Variants in RAB38 observed in about 807,000 individuals in gnomAD.
The protein encoded by RAB38 is ras-related protein Rab-38.
A neutral mutation model predicts 18.4 loss-of-function variants in RAB38; 15 were observed. The ratio of observed to expected loss-of-function variants is 0.82; its 90% confidence interval spans 0.55 to 1.26. The LOEUF is 1.26. RAB38 is among the 50% of genes most tolerant of loss of function. The probability of loss-of-function intolerance (pLI) is 0.00; values close to 1 mark genes in which losing one functional copy is unlikely to be tolerated. For missense variants in RAB38, 294 were observed against 267.4 expected, an observed-to-expected ratio of 1.10 and a Z score of -0.69; for synonymous variants, 101 against 104.4, an observed-to-expected ratio of 0.97 and a Z score of 0.20.
At chr11:88,135,361 G>C (rs1330115591) in intron 2 of RAB38, among the ~76,000 whole-genome samples, 1 of 152,078 alleles carries the variant, frequency 6.6e-6, no homozygotes, top group South Asian at 2.1e-4. Context: ...TTGTCCACTG[G>C]TATAGCCCTA....
chr11:87,878,775 G>T, the RAB38 span, among the ~76,000 whole-genome samples: 2 of 151,640 alleles, frequency 1.3e-5, no homozygotes, highest in South Asian at 4.1e-4. Flanking sequence ...CTCACCAGGT[G>T]AATTTCTTGC....
At chr11:88,150,388 T>C (rs1176925843) in intron 1 of RAB38, among the ~76,000 whole-genome samples, 1 of 152,224 alleles carries the variant, frequency 6.6e-6, no homozygotes, top group African/African-American at 2.4e-5. Flanking sequence ...TCCATCAGTA[T>C]AGAACATTCG....
chr11:88,170,332 T>A (rs1350999080), intron 1 of RAB38, among the ~76,000 whole-genome samples: 1 of 152,234 alleles, frequency 6.6e-6, no homozygotes, highest in Non-Finnish European at 1.5e-5. Context: ...GGGGTTTTAT[T>A]TGACACACTC....
chr11:87,977,327 C>CAAGTATATTATAAAATTATATATTATAT, the RAB38 span, among the ~76,000 whole-genome samples: 3 of 125,598 alleles, frequency 2.4e-5, no homozygotes, highest in East Asian at 2.4e-4. Flanking sequence ...TTATATTATA[C>CAAGTATATTATAAAATTATATATTATAT]AAGTATATTA....
chr11:87,861,896 CTCA>C, the RAB38 span, among the ~76,000 whole-genome samples: 117 of 151,540 alleles, frequency 7.7e-4, no homozygotes, highest in Non-Finnish European at 1.5e-3. Flanking sequence ...TCCCAGGACC[CTCA>C]TCATATGAAA....
At chr11:88,107,700 A>C in the RAB38 span, among the ~76,000 whole-genome samples, 1 of 151,742 alleles carries the variant, frequency 6.6e-6, no homozygotes, top group Non-Finnish European at 1.5e-5. Context: ...AGTTCTTTTA[A>C]TTGTGATTTT....
chr11:87,847,166 A>G, the RAB38 span, among the ~76,000 whole-genome samples: 1 of 152,024 alleles, frequency 6.6e-6, no homozygotes, highest in East Asian at 1.9e-4. Flanking sequence ...AAACCCAGAA[A>G]TCATTGATAT....
the RAB38 span, chr11:87,817,599 T>C: frequency 1.3e-5 from 2 of 152,190 alleles, no homozygotes; most frequent in Non-Finnish European, 2.9e-5. Flanking sequence ...TTAATAAACA[T>C]TGTAAAACTT....
chr11:87,952,850 G>T, the RAB38 span, among the ~76,000 whole-genome samples: 1 of 152,116 alleles, frequency 6.6e-6, no homozygotes, highest in Non-Finnish European at 1.5e-5. Context: ...AAATGCAGAT[G>T]TATATAAAAA....
the RAB38 span, among the ~76,000 whole-genome samples, chr11:88,095,557 T>C: frequency 6.6e-6 from 1 of 151,932 alleles, no homozygotes; most frequent in Non-Finnish European, 1.5e-5. Flanking sequence ...AAAGTTTGAG[T>C]ACCCCAGAAG....
At chr11:87,912,762 C>CTTTTT in the RAB38 span, among the ~76,000 whole-genome samples, 117 of 86,448 alleles carry the variant, frequency 1.4e-3, 3 homozygotes, top group Middle Eastern at 0.01. Context: ...AATTTTCTTT[C>CTTTTT]TTTCTTTTTT....
intron 1 of RAB38, among the ~76,000 whole-genome samples, chr11:88,156,989 T>C (rs915875330): frequency 3.9e-5 from 6 of 152,204 alleles, no homozygotes; most frequent in African/African-American, 1.4e-4. Flanking sequence ...TAACCTCACA[T>C]ATAAATATTA....
the RAB38 span, among the ~76,000 whole-genome samples, chr11:87,927,046 C>G: frequency 1.3e-5 from 2 of 152,166 alleles, no homozygotes; most frequent in South Asian, 4.1e-4. Flanking sequence ...TGTACTGTTT[C>G]AACTGCTATT....
the RAB38 span, among the ~76,000 whole-genome samples, chr11:88,031,310 A>T: frequency 5.4e-3 from 814 of 150,006 alleles, 4 homozygotes; most frequent in African/African-American, 0.019. Context: ...TCCCTTTGAA[A>T]ACTGGCACAA....
the RAB38 span, among the ~76,000 whole-genome samples, chr11:87,874,205 A>T: frequency 1.3e-5 from 2 of 151,264 alleles, no homozygotes; most frequent in African/African-American, 4.8e-5. Context: ...TGACCTATCT[A>T]GAATCAGTTA....
At chr11:87,961,985 G>T in the RAB38 span, among the ~76,000 whole-genome samples, 3 of 152,068 alleles carry the variant, frequency 2.0e-5, no homozygotes, top group East Asian at 5.8e-4. Context: ...TTTCATATTG[G>T]TCATGGTTTG....
At chr11:88,174,575 CT>C (rs1475704340) in intron 1 of RAB38, among the ~76,000 whole-genome samples, 12 of 144,512 alleles carry the variant, frequency 8.3e-5, no homozygotes, top group African/African-American at 2.9e-4. Context: ...TACTTTGCCC[CT>C]GACATATACA....
the RAB38 span, among the ~76,000 whole-genome samples, chr11:88,009,897 G>T: frequency 5.3e-5 from 8 of 152,104 alleles, no homozygotes; most frequent in African/African-American, 1.9e-4. Flanking sequence ...GATCTTTTTG[G>T]ACTTTGAAAT....
the RAB38 span, among the ~76,000 whole-genome samples, chr11:87,977,620 G>A: frequency 3.4e-5 from 4 of 116,158 alleles, no homozygotes; most frequent in Non-Finnish European, 4.9e-5. Flanking sequence ...ATATAATTAT[G>A]TAATTGTATA....
Sources: allele counts gnomAD v4.1 joint callset (sites outside exome capture counted in the v4.1 genomes callset), GRCh38; gene constraint gnomAD v4.1.1; transcripts MANE v1.5; gene names NCBI Gene and HGNC (gene_info 2026-07-23, HGNC 2026-07-21).